Variants in KDM6A observed in about 807,000 individuals in gnomAD.
KDM6A encodes lysine demethylase 6A.
In KDM6A, 11 loss-of-function variants were observed where a neutral mutation model predicts 117.6. The observed-to-expected ratio is 0.09, with a 90% CI of 0.06 to 0.15. KDM6A has a LOEUF of 0.15. Ranked by LOEUF, KDM6A falls within the 10% of genes least tolerant of loss-of-function variation. The probability of loss-of-function intolerance (pLI) is 1.00; values close to 1 mark genes in which losing one functional copy is unlikely to be tolerated. For synonymous variants in KDM6A, 384 were observed against 396.1 expected (o/e 0.97, Z 0.36); for missense variants, 799 against 1,077.3 (o/e 0.74, Z 3.62).
At chrX:45,090,069 C>G (rs2045826462) in intron 26 of KDM6A, 139 bp downstream of exon 26, 1 of 478,351 alleles carries the variant, frequency 2.1e-6, no homozygotes, top group East Asian at 3.8e-5. Flanking sequence ...ATTCGTAGTA[C>G]AACAAATTAA....
At chrX:45,029,727 T>G (rs1433500459) in intron 6 of KDM6A, among the ~76,000 whole-genome samples, 1 of 111,758 alleles carries the variant, frequency 8.9e-6, no homozygotes, top group Non-Finnish European at 1.9e-5. Flanking sequence ...CATATCAGTC[T>G]CAAATATGAA....
chrX:45,041,953 C>G (rs2043248194), intron 8 of KDM6A, among the ~76,000 whole-genome samples: 1 of 110,117 alleles, frequency 9.1e-6, no homozygotes, highest in Non-Finnish European at 1.9e-5. Context: ...GCACTCCAGC[C>G]TGGGCACCAT....
intron 4 of KDM6A, among the ~76,000 whole-genome samples, chrX:45,000,660 C>T (rs1379155598): frequency 2.7e-5 from 3 of 112,816 alleles, no homozygotes; most frequent in Non-Finnish European, 5.6e-5. Context: ...CCGTTTCTTC[C>T]CTGTCGTGAG....
intron 4 of KDM6A, among the ~76,000 whole-genome samples, chrX:44,991,425 C>G (rs1285696530): frequency 9.1e-6 from 1 of 109,669 alleles, no homozygotes; most frequent in Non-Finnish European, 1.9e-5. Context: ...CTATCTAGTT[C>G]AGGACCATAG....
At position 44,943,354 on chromosome X, in the gene KDM6A, TA is replaced by T. The variant is rs768361998; in HGVS notation, c.226-17923del. On this transcript the variant is annotated intron_variant, in intron 2 of 29. Coordinates refer to ENST00000611820, the MANE Select transcript of KDM6A (RefSeq NM_001291415.2). Reference sequence around the variant, plus strand: ...TAATTGAAAAGCAATATTTTATTGCTAAAAAAAGTGTCAGCATTTTTTAGCA... The same window carrying T: ...TAATTGAAAAGCAATATTTTATTGCTAAAAAAGTGTCAGCATTTTTTAGCA... 2.2e-4 allele frequency among the ~76,000 whole-genome samples: 23 copies of T among 103,484 alleles called. No individual in the cohort carries two copies. The East Asian group carries it at 6.3e-3, about 28-fold the overall frequency. The allele number at this position is 103,484 out of a possible 115,157, so 89.9% of individuals were successfully genotyped here.
At chrX:45,093,306 G>A (rs746497791) in intron 27 of KDM6A, among the ~76,000 whole-genome samples, 196 of 107,401 alleles carry the variant, frequency 1.8e-3, no homozygotes, top group African/African-American at 6.3e-3. Flanking sequence ...GTGGTGGGGC[G>A]GGGGGTTGCA....
intron 27 of KDM6A, among the ~76,000 whole-genome samples, chrX:45,096,712 C>G (rs979626324): frequency 6.3e-5 from 7 of 111,537 alleles, no homozygotes; most frequent in African/African-American, 2.3e-4. Flanking sequence ...TAAAAAATAA[C>G]AGGTGCTGGC....
intron 4 of KDM6A, among the ~76,000 whole-genome samples, chrX:44,989,506 T>C (rs1293346772): frequency 1.8e-5 from 2 of 110,364 alleles, no homozygotes; most frequent in African/African-American, 6.6e-5. Flanking sequence ...CACTGGGAGC[T>C]GCAGACTGGA....
At chrX:45,029,140 A>G (rs2042497421) in intron 6 of KDM6A, among the ~76,000 whole-genome samples, 1 of 111,936 alleles carries the variant, frequency 8.9e-6, no homozygotes, top group African/African-American at 3.2e-5. Context: ...TCACATTTAG[A>G]AAAAGGTTGT....
intron 27 of KDM6A, among the ~76,000 whole-genome samples, chrX:45,094,954 T>TAG (rs1447154314): frequency 9.0e-6 from 1 of 111,411 alleles, no homozygotes; most frequent in East Asian, 2.8e-4. Context: ...ACTTAAGACT[T>TAG]TCTTCTGTCA....
intron 4 of KDM6A, among the ~76,000 whole-genome samples, chrX:45,009,566 A>T (rs778642745): frequency 8.9e-6 from 1 of 111,865 alleles, no homozygotes; most frequent in South Asian, 3.7e-4. Context: ...AGTAGGTCAC[A>T]GTCTTACGTT....
At chrX:45,033,540 G>C (rs2042686133) in intron 6 of KDM6A, among the ~76,000 whole-genome samples, 1 of 111,169 alleles carries the variant, frequency 9.0e-6, no homozygotes, top group African/African-American at 3.3e-5. Context: ...AATTATGCAT[G>C]CACATCAGAG....
rs750330356 is a variant in KDM6A, at chrX:45,109,575, T to A, written c.4162-504T>A. Among the ~76,000 whole-genome samples the A allele has an allele frequency of 4.5e-5, 5 of 111,357 alleles. No homozygotes were observed. The South Asian group carries it at 1.5e-3, about 34-fold the overall frequency. On this transcript the variant is annotated intron_variant, in intron 28 of 29. Transcript: ENST00000611820. The stretch of plus-strand genomic sequence containing the variant: ...TGATAGAATCCATTGATTTTTTTTT[T>A]AAATGTCATATGGCCTGACCAAAGT...
At chrX:45,022,569 G>GA (rs1787773331) in intron 6 of KDM6A, among the ~76,000 whole-genome samples, 1 of 112,001 alleles carries the variant, frequency 8.9e-6, no homozygotes, top group African/African-American at 3.2e-5. Context: ...AGTCAAAGAG[G>GA]AGGAGGTATT....
Position 44,964,306 on chromosome X carries a change from G to A in KDM6A, c.334+2914G>A, listed in dbSNP as rs757821318. On this transcript the variant is annotated intron_variant, in intron 3 of 29. Coordinates refer to ENST00000611820, the MANE Select transcript of KDM6A (RefSeq NM_001291415.2). ...TCTACTAAAAATACAAAAATTGGCT[G>A]GGTGCGGTGGTGTGTGCCTGTATTC... Among the ~76,000 whole-genome samples, 9 of 107,885 alleles carry A rather than the reference G, an allele frequency of 8.3e-5. No individual in the cohort carries two copies. In the East Asian group the frequency reaches 2.7e-3, roughly 32 times the overall value. The allele number at this position is 107,885 out of a possible 115,157, so 93.7% of individuals were successfully genotyped here. A position where few individuals can be genotyped will look rare whatever the true frequency, so the allele number is the denominator to read the frequency against.
Position 45,055,236 on chromosome X carries a change from A to G in KDM6A, c.875+1281A>G, listed in dbSNP as rs2044022430. ...AATTATATGGCTTCATTTTTCCTTTAAGGAAAGTATGTTTGTATGAGACAT... is the reference window on the plus strand; with the variant it reads ...AATTATATGGCTTCATTTTTCCTTTGAGGAAAGTATGTTTGTATGAGACAT... On this transcript the variant is annotated intron_variant, in intron 10 of 29. Transcript: ENST00000611820. 5.4e-5 allele frequency among the ~76,000 whole-genome samples: 6 copies of G among 111,234 alleles called. No homozygotes were observed. The South Asian group carries it at 2.3e-3, about 42-fold the overall frequency.
intron 8 of KDM6A, among the ~76,000 whole-genome samples, chrX:45,040,113 G>A (rs1475429152): frequency 3.5e-5 from 2 of 57,582 alleles, no homozygotes; most frequent in Non-Finnish European, 6.4e-5. Context: ...CTCACCTCCC[G>A]GATGGGGCGG....
chrX:45,111,542 C>T lies in KDM6A; in HGVS notation c.*131C>T, dbSNP rs1174671593. ...CTGTGTCTATGCAACCTTCCAAGTG[C>T]GGAGTGTCAACCAACTGGACGGGAG... On this transcript the variant is annotated 3_prime_UTR_variant, in exon 30 of 30. Coordinates refer to ENST00000611820, the MANE Select transcript of KDM6A (RefSeq NM_001291415.2). 4 of 581,659 alleles carry T rather than the reference C, an allele frequency of 6.9e-6. No individual in the cohort carries two copies. Among genetic ancestry groups the T allele is most frequent in the Non-Finnish European group, 1.2e-5 (4 of 338,281 alleles). 47.9% of individuals were successfully genotyped at this position (581,659 alleles called of 1,213,427 possible). A position where few individuals can be genotyped will look rare whatever the true frequency, so the allele number is the denominator to read the frequency against.
At chrX:45,023,334 G>T (rs907932627) in intron 6 of KDM6A, among the ~76,000 whole-genome samples, 1 of 111,218 alleles carries the variant, frequency 9.0e-6, no homozygotes, top group African/African-American at 3.3e-5. Context: ...AAAATACAGC[G>T]TATTTTCATA....
Sources: gnomAD v4.1 joint callset for allele counts (sites outside exome capture counted in the v4.1 genomes callset) on GRCh38, gnomAD v4.1.1 for gene constraint, MANE v1.5 for transcripts, NCBI Gene and HGNC (gene_info 2026-07-23, HGNC 2026-07-21) for gene names.